HERC5: variants seen among roughly 807,000 people sequenced by gnomAD.
HERC5 encodes HECT and RLD domain containing E3 ubiquitin protein ligase 5, also known as E3 ISG15--protein ligase HERC5.
In HERC5, 99 loss-of-function variants were observed where a neutral mutation model predicts 119.6. The observed-to-expected ratio is 0.83, with a 90% CI of 0.70 to 0.98. The LOEUF is 0.98. Ranked by LOEUF, HERC5 falls within the 50% of genes least tolerant of loss-of-function variation. HERC5 has a pLI of 0.00. For synonymous variants in HERC5, 478 were observed against 445.9 expected, an observed-to-expected ratio of 1.07 and a Z score of -0.91; for missense variants, 1,267 against 1,241.3, an observed-to-expected ratio of 1.02 and a Z score of -0.31.
chr4:88,492,658 A>G (rs1311272457), intron 16 of HERC5, among the ~76,000 whole-genome samples: 1 of 152,074 alleles, frequency 6.6e-6, no homozygotes, highest in Non-Finnish European at 1.5e-5. Context: ...AGGCAGGAGA[A>G]TCGCTTAAAC....
At chr4:88,458,989 A>G (rs1362914657) in intron 1 of HERC5, among the ~76,000 whole-genome samples, 2 of 152,158 alleles carry the variant, frequency 1.3e-5, no homozygotes, top group Admixed American at 1.3e-4. Flanking sequence ...AAATGAGATT[A>G]TGTTGTCTTA....
chr4:88,492,872 A>G (rs1026772693), intron 16 of HERC5, 140 bp from the exon 17 acceptor site: 1 of 625,642 alleles, frequency 1.6e-6, no homozygotes, highest in African/African-American at 1.8e-5. Flanking sequence ...ATATGATAAT[A>G]TAAGTAGGAT....
At chr4:88,497,075 C>A (rs1741815388) in intron 18 of HERC5, among the ~76,000 whole-genome samples, 1 of 152,162 alleles carries the variant, frequency 6.6e-6, no homozygotes, top group African/African-American at 2.4e-5. Flanking sequence ...TACTTCCAAG[C>A]CTCCAGAACC....
chr4:88,475,794 T>G (rs1204611194), intron 11 of HERC5, 47 bp from the exon 12 acceptor site: 1 of 1,514,252 alleles, frequency 6.6e-7, no homozygotes, highest in Non-Finnish European at 9.1e-7. Context: ...TGCACCCTGC[T>G]TCTACTGAGT....
chr4:88,475,310 C>A (rs535920334), intron 11 of HERC5, among the ~76,000 whole-genome samples: 53 of 141,880 alleles, frequency 3.7e-4, no homozygotes, highest in Non-Finnish European at 7.2e-4. Flanking sequence ...ATGTTTTTTT[C>A]TTTTTCTTTC....
intron 8 of HERC5, among the ~76,000 whole-genome samples, chr4:88,468,939 CAAAG>C (rs1221081375): frequency 6.6e-6 from 1 of 152,148 alleles, no homozygotes; most frequent in African/African-American, 2.4e-5. Context: ...GTTGAGTCCT[CAAAG>C]AAATTTACTT....
At chr4:88,500,852 T>A in intron 19 of HERC5, 63 bp from the exon 20 acceptor site, 1 of 1,211,472 alleles carries the variant, frequency 8.3e-7, no homozygotes, top group East Asian at 2.4e-5. Flanking sequence ...AAAGTGTTTT[T>A]ATTGATGATA....
At chr4:88,478,763 A>G (rs1741170144) in intron 12 of HERC5, among the ~76,000 whole-genome samples, 1 of 151,874 alleles carries the variant, frequency 6.6e-6, no homozygotes, top group Admixed American at 6.6e-5. Context: ...GACATGTGCC[A>G]CCACGCCCTG....
rs764120713 is a variant in HERC5, at chr4:88,504,426, A to G, written c.2766+11A>G. 1.3e-6 allele frequency: 2 copies of G among 1,573,826 alleles called. No homozygotes were observed. Among genetic ancestry groups the G allele is most frequent in the Non-Finnish European group, 1.7e-6 (2 of 1,158,942 alleles). ...AAAACATTTGAAAAGGTACATCATC[A>G]AGTCTAAGTTGATTAAATTCAGTTT... On this transcript the variant is annotated intron_variant, in intron 21 of 22. Coordinates refer to ENST00000264350, the MANE Select transcript of HERC5 (RefSeq NM_016323.4).
intron 13 of HERC5, among the ~76,000 whole-genome samples, chr4:88,483,471 C>T (rs1465467561): frequency 6.6e-6 from 1 of 151,406 alleles, no homozygotes; most frequent in Non-Finnish European, 1.5e-5. Context: ...CCTTGGTCTC[C>T]CGAAGTGCAA....
chr4:88,493,800 G>C (rs986432422), intron 17 of HERC5, among the ~76,000 whole-genome samples: 4 of 151,828 alleles, frequency 2.6e-5, no homozygotes, highest in Admixed American at 6.6e-5. Context: ...TTTTTGTAGA[G>C]ATGGGGTTTC....
At chr4:88,458,085 G>C in intron 1 of HERC5, 1 of 985,444 alleles carries the variant, frequency 1.0e-6, no homozygotes, top group Non-Finnish European at 1.2e-6. Context: ...TTAACTACTG[G>C]ACGTTTGCGT....
intron 18 of HERC5, among the ~76,000 whole-genome samples, chr4:88,494,651 A>G (rs1394641331): frequency 6.6e-6 from 1 of 152,248 alleles, no homozygotes; most frequent in Non-Finnish European, 1.5e-5. Context: ...GTTTCATGTC[A>G]TCACCTTTAA....
intron 13 of HERC5, among the ~76,000 whole-genome samples, chr4:88,479,775 C>T (rs1347675800): frequency 6.6e-6 from 1 of 152,030 alleles, no homozygotes; most frequent in Non-Finnish European, 1.5e-5. Flanking sequence ...TTTAGAAATA[C>T]CTGTGTGCTG....
chr4:88,469,330 C>T (rs2149091692), intron 9 of HERC5, 70 bp downstream of exon 9: 5 of 1,013,264 alleles, frequency 4.9e-6, no homozygotes, highest in South Asian at 4.0e-5. Flanking sequence ...TGGTTCTGCA[C>T]AGCAATATGA....
intron 10 of HERC5, among the ~76,000 whole-genome samples, chr4:88,471,890 C>T (rs1740880100): frequency 6.6e-6 from 1 of 151,744 alleles, no homozygotes. Flanking sequence ...TCCTTCCTTC[C>T]TTCCTTCGAA....
intron 1 of HERC5, chr4:88,458,216 C>A: frequency 2.8e-6 from 1 of 352,216 alleles, no homozygotes; most frequent in Non-Finnish European, 4.0e-6. Flanking sequence ...GCCTTTTGCA[C>A]GTCGTACATG....
intron 16 of HERC5, among the ~76,000 whole-genome samples, chr4:88,492,687 A>G (rs1056860634): frequency 1.3e-5 from 2 of 152,110 alleles, no homozygotes; most frequent in Admixed American, 6.5e-5. Context: ...CGGAGGTTGC[A>G]GTGAGCCGAG....
intron 11 of HERC5, chr4:88,473,908 CAT>C (rs1439057320): frequency 1.3e-5 from 2 of 152,306 alleles, no homozygotes; most frequent in East Asian, 3.9e-4. Context: ...ATGAAATAAT[CAT>C]AGGGCATCCT....
Sources: gnomAD v4.1 joint callset for allele counts (sites outside exome capture counted in the v4.1 genomes callset) on GRCh38, gnomAD v4.1.1 for gene constraint, MANE v1.5 for transcripts, NCBI Gene and HGNC (gene_info 2026-07-23, HGNC 2026-07-21) for gene names.